The following DCUN1D2 variants were observed in gnomAD, a reference collection of about 807,000 sequenced individuals.
DCUN1D2 encodes the protein DCN1-like protein 2.
DCUN1D2 carries 29 observed loss-of-function variants against 30.9 expected under a neutral mutation model. The ratio of observed to expected loss-of-function variants is 0.94; its 90% CI spans 0.70 to 1.28. DCUN1D2 has a LOEUF of 1.28. Ranked by LOEUF, DCUN1D2 falls within the 50% of genes most tolerant of loss-of-function variation. The probability of loss-of-function intolerance (pLI) is 0.00; values close to 1 mark genes in which losing one functional copy is unlikely to be tolerated. For missense variants in DCUN1D2, 325 were observed against 316.9 expected (o/e 1.03, Z -0.19); for synonymous variants, 121 against 115.3 (o/e 1.05, Z -0.32).
At chr13:113,462,586 C>T (rs1200911213) in intron 4 of DCUN1D2, among the ~76,000 whole-genome samples, 1 of 152,068 alleles carries the variant, frequency 6.6e-6, no homozygotes, top group East Asian at 1.9e-4. Flanking sequence ...AGTAGCAAAT[C>T]CCACTTTAAA....
chr13:113,485,988 G>T (rs1265642154), intron 1 of DCUN1D2, among the ~76,000 whole-genome samples: 2 of 152,022 alleles, frequency 1.3e-5, no homozygotes, highest in Non-Finnish European at 2.9e-5. Context: ...AATGTAATGG[G>T]TTTTTATTGC....
Position 113,459,331 on chromosome 13 carries a change from C to T in DCUN1D2, c.681G>A (p.Met227Ile). 1 of 1,592,546 alleles carries T rather than the reference C, an allele frequency of 6.3e-7. No homozygotes were observed. Among genetic ancestry groups the T allele is most frequent in the South Asian group, 1.1e-5 (1 of 90,590 alleles). The change falls in exon 6 of 7, where the codon ATG (methionine) becomes ATA (isoleucine). Residue 227 changes from methionine (M) to isoleucine (I), a missense_variant. Transcript: ENST00000478244. ...CGGTACCTTCTTCATCGTAGTTAGA[C>T]ATATCATCCGCAATCATGTTTCCAA... ...LDFGNMIADD[M>I]SNYDEEGAWP...
chr13:113,488,641 G>A lies in DCUN1D2; in HGVS notation c.3+2026C>T, dbSNP rs988699467. Among the ~76,000 whole-genome samples the A allele has an allele frequency of 1.3e-5, 2 of 152,168 alleles. No homozygotes were observed. Among genetic ancestry groups the A allele is most frequent in the Non-Finnish European group, 2.9e-5 (2 of 68,028 alleles). Reference sequence around the variant, plus strand: ...CAGACATTGGCAGTAAGCTTTGAGTGCACCAAGAGAGGACTGAACCCAGGT... The same window carrying A: ...CAGACATTGGCAGTAAGCTTTGAGTACACCAAGAGAGGACTGAACCCAGGT... On this transcript the variant is annotated intron_variant, in intron 1 of 6. Coordinates refer to ENST00000478244, the MANE Select transcript of DCUN1D2 (RefSeq NM_001014283.2). This position sits in a 1 kb window ranked among gnomAD's most constrained non-coding sequence, Gnocchi z 4.3.
Position 113,480,667 on chromosome 13 carries a change from A to G in DCUN1D2, c.297T>C (p.Ser99=). The G allele has an allele frequency of 6.2e-7, 1 of 1,614,188 alleles. No individual in the cohort carries two copies. Among genetic ancestry groups the G allele is most frequent in the South Asian group, 1.1e-5 (1 of 91,084 alleles). Residue 99 remains serine (S), a synonymous_variant, in exon 3 of 7, where the codon AGT becomes AGC. Coordinates refer to ENST00000478244, the MANE Select transcript of DCUN1D2 (RefSeq NM_001014283.2). ...FCDDLSLDPA[S]ISVLVIAWKF... ...TCCACGCTATGACCAATACACTGAT[A>G]CTGGCAGGATCCAGGCTCAGATCAT... is the stretch of plus-strand genomic sequence containing the variant.
chr13:113,459,417 TGA>T lies in DCUN1D2; in HGVS notation c.604-11_604-10del. 1 of 1,399,990 alleles carries T rather than the reference TGA, an allele frequency of 7.1e-7. No individual in the cohort carries two copies. The highest frequency in any genetic ancestry group is 1.2e-5 in the South Asian group (1 of 83,672). 86.7% of individuals were successfully genotyped at this position (1,399,990 alleles called of 1,614,324 possible). A position where few individuals can be genotyped will look rare whatever the true frequency, so the allele number is the denominator to read the frequency against. ...GATCTTTTGTGATGTTCCTAATATA[TGA>T]GAGAAAAAAAAAACCCACCAGGTTT... On this transcript the variant is annotated splice_polypyrimidine_tract_variant and intron_variant, in intron 5 of 6. Coordinates refer to ENST00000478244, the MANE Select transcript of DCUN1D2 (RefSeq NM_001014283.2).
chr13:113,463,632 C>G (rs934043643), intron 4 of DCUN1D2, among the ~76,000 whole-genome samples: 12 of 152,066 alleles, frequency 7.9e-5, no homozygotes, highest in African/African-American at 2.7e-4. Flanking sequence ...TAAAACAGAG[C>G]CAAGTAACTT....
chr13:113,489,548 T>C (rs536208769), intron 1 of DCUN1D2, among the ~76,000 whole-genome samples: 6 of 152,188 alleles, frequency 3.9e-5, no homozygotes, highest in African/African-American at 1.4e-4. Context: ...ACCAGCCCCC[T>C]CTCAGTCTCC....
chr13:113,480,122 C>T (rs949348242), intron 3 of DCUN1D2, among the ~76,000 whole-genome samples: 7 of 152,160 alleles, frequency 4.6e-5, no homozygotes, highest in Admixed American at 1.3e-4. Flanking sequence ...AAGCGAGAAA[C>T]ACCTTAAGTT....
At chr13:113,464,938 G>C (rs1170410187) in intron 4 of DCUN1D2, among the ~76,000 whole-genome samples, 2 of 152,250 alleles carry the variant, frequency 1.3e-5, no homozygotes, top group African/African-American at 4.8e-5. Flanking sequence ...GCTTTGCCAA[G>C]GGCCTAGAAA....
intron 4 of DCUN1D2, among the ~76,000 whole-genome samples, chr13:113,472,178 C>T (rs1369605459): frequency 1.3e-5 from 2 of 152,074 alleles, no homozygotes; most frequent in East Asian, 1.9e-4. Flanking sequence ...CTCACCTGTG[C>T]CCGTGAGAAC....
At chr13:113,485,844 G>A (rs1316843610) in intron 1 of DCUN1D2, among the ~76,000 whole-genome samples, 2 of 152,068 alleles carry the variant, frequency 1.3e-5, no homozygotes, top group Non-Finnish European at 2.9e-5. Flanking sequence ...GCCGCCACCA[G>A]CCTTGCTCAC....
intron 4 of DCUN1D2, among the ~76,000 whole-genome samples, chr13:113,467,051 GC>G (rs1370543334): frequency 6.6e-6 from 1 of 151,700 alleles, no homozygotes; most frequent in African/African-American, 2.4e-5. Context: ...CTCGTGATCC[GC>G]CCGCCTCGGC....
At chr13:113,463,885 C>T (rs1252098276) in intron 4 of DCUN1D2, among the ~76,000 whole-genome samples, 2 of 152,132 alleles carry the variant, frequency 1.3e-5, no homozygotes, top group Non-Finnish European at 2.9e-5. Context: ...CATGTTCCCA[C>T]GGCAGTCCAT....
intron 4 of DCUN1D2, among the ~76,000 whole-genome samples, chr13:113,466,982 A>AT (rs1423974256): frequency 1.3e-5 from 2 of 151,266 alleles, no homozygotes; most frequent in Admixed American, 1.3e-4. Context: ...AATTTTTTAT[A>AT]TTTTTTTAGT....
intron 4 of DCUN1D2, chr13:113,462,663 G>A (rs2044337477): frequency 1.3e-6 from 1 of 776,972 alleles, no homozygotes; most frequent in Non-Finnish European, 1.6e-6. Flanking sequence ...TGAATACCCT[G>A]GAGTCTGAAT....
chr13:113,461,623 C>G (rs1290353255), intron 4 of DCUN1D2, among the ~76,000 whole-genome samples: 3 of 152,196 alleles, frequency 2.0e-5, no homozygotes, highest in African/African-American at 7.2e-5. Context: ...ATTACAGCGG[C>G]CTTATGAGGG....
chr13:113,490,603 G>A lies in DCUN1D2; in HGVS notation c.3+64C>T. On this transcript the variant is annotated intron_variant, in intron 1 of 6. Transcript: ENST00000478244. This position sits in a 1 kb window ranked among gnomAD's most constrained non-coding sequence, Gnocchi z 5.2. ...CTCCCACATCCAGCGCGCCGCCTGC[G>A]CCGACCTTGGGGCCCGACCCCGACC... 8.3e-7 allele frequency: 1 copy of A among 1,209,978 alleles called. No homozygotes were observed. Among genetic ancestry groups the A allele is most frequent in the Non-Finnish European group, 1.0e-6 (1 of 971,772 alleles). The allele number at this position is 1,209,978 out of a possible 1,614,324, so 75.0% of individuals were successfully genotyped here.
At chr13:113,476,368 T>C (rs569647168) in intron 3 of DCUN1D2, among the ~76,000 whole-genome samples, 1 of 152,168 alleles carries the variant, frequency 6.6e-6, no homozygotes. Context: ...CCCAAGAGGG[T>C]GGTTTGTTAT....
At chr13:113,475,470 G>A (rs2044599766) in intron 3 of DCUN1D2, 1 of 152,250 alleles carries the variant, frequency 6.6e-6, no homozygotes, top group South Asian at 2.1e-4. Flanking sequence ...TTGTGTAAGT[G>A]CACTCTGTGA....
Sources: gnomAD v4.1 joint callset for allele counts (sites outside exome capture counted in the v4.1 genomes callset) on GRCh38, gnomAD v4.1.1 for gene constraint, Gnocchi (gnomAD v3.1) non-coding constraint, MANE v1.5 for transcripts, NCBI Gene and HGNC (gene_info 2026-07-23, HGNC 2026-07-21) for gene names.